Variants in SDK1 observed in about 807,000 individuals in gnomAD.
SDK1 encodes the protein protein sidekick-1.
A neutral mutation model predicts 245.5 loss-of-function variants in SDK1; 157 were observed. The observed-to-expected ratio is 0.64, with a 90% CI of 0.56 to 0.73. The LOEUF (loss-of-function observed/expected upper bound fraction) is 0.73, where lower values mean the gene tolerates loss of function less well. Among genes scored for constraint, SDK1 ranks in the 30% least tolerant of loss-of-function variants. The pLI is 0.00. For synonymous variants in SDK1, 1,647 were observed against 1,278.5 expected (o/e 1.29, Z -6.15); for missense variants, 3,583 against 3,002.3 (o/e 1.19, Z -4.52).
intron 28 of SDK1, among the ~76,000 whole-genome samples, chr7:4,134,191 G>A (rs1042858308): frequency 1.3e-5 from 2 of 152,158 alleles, no homozygotes; most frequent in South Asian, 2.1e-4. Flanking sequence ...ACCTATTTTC[G>A]CTTTGCCTCT....
intron 1 of SDK1, among the ~76,000 whole-genome samples, chr7:3,498,635 A>G (rs543687993): frequency 1.3e-5 from 2 of 151,998 alleles, no homozygotes; most frequent in South Asian, 2.1e-4. Flanking sequence ...TTTTCCTCCA[A>G]TATCACAGAC....
At chr7:3,600,889 G>A (rs571889619) in intron 1 of SDK1, among the ~76,000 whole-genome samples, 5 of 152,242 alleles carry the variant, frequency 3.3e-5, no homozygotes, top group East Asian at 1.9e-4. Context: ...AAGATTGACA[G>A]AACTCCTCTC....
At chr7:3,793,933 G>T (rs961588462) in intron 4 of SDK1, among the ~76,000 whole-genome samples, 29 of 152,196 alleles carry the variant, frequency 1.9e-4, no homozygotes, top group Middle Eastern at 3.4e-3. Flanking sequence ...CCCTGTTCTG[G>T]GGAATGTGAA....
intron 14 of SDK1, among the ~76,000 whole-genome samples, chr7:4,007,134 C>A (rs1785543732): frequency 6.6e-6 from 1 of 152,238 alleles, no homozygotes; most frequent in African/African-American, 2.4e-5. Context: ...AGTCCAGTAT[C>A]AGTCAAGCTT....
chr7:3,590,949 A>G (rs1196603607), intron 1 of SDK1, among the ~76,000 whole-genome samples: 1 of 151,988 alleles, frequency 6.6e-6, no homozygotes, highest in East Asian at 1.9e-4. Flanking sequence ...CACGTGGCTA[A>G]TTTTTGTATT....
At chr7:4,165,517 A>G (rs1385277378) in intron 32 of SDK1, among the ~76,000 whole-genome samples, 1 of 151,660 alleles carries the variant, frequency 6.6e-6, no homozygotes, top group Non-Finnish European at 1.5e-5. Context: ...AAGGAGTAGA[A>G]CTCCTTCTGT....
intron 5 of SDK1, among the ~76,000 whole-genome samples, chr7:3,917,384 G>T (rs1779421004): frequency 6.6e-6 from 1 of 152,174 alleles, no homozygotes; most frequent in African/African-American, 2.4e-5. Context: ...TTTCTCTCCA[G>T]GGTAGACGGG....
At chr7:3,602,902 C>G (rs1253984871) in intron 1 of SDK1, among the ~76,000 whole-genome samples, 1 of 152,008 alleles carries the variant, frequency 6.6e-6, no homozygotes, top group Non-Finnish European at 1.5e-5. Context: ...ATATGGCTAG[C>G]CAGTTTTCCC....
chr7:3,832,795 C>G (rs1184384792), intron 5 of SDK1, among the ~76,000 whole-genome samples: 1 of 152,022 alleles, frequency 6.6e-6, no homozygotes, highest in Admixed American at 6.6e-5. Context: ...GCCTGCACCC[C>G]TTTACCTTTT....
intron 4 of SDK1, among the ~76,000 whole-genome samples, chr7:3,803,255 A>G (rs1779150095): frequency 8.6e-5 from 13 of 151,568 alleles, no homozygotes; most frequent in Admixed American, 8.6e-4. Context: ...TCTTTGGTCA[A>G]ATGCTTCTTG....
chr7:3,759,092 G>A (rs1467085391), intron 4 of SDK1, among the ~76,000 whole-genome samples: 1 of 152,158 alleles, frequency 6.6e-6, no homozygotes, highest in East Asian at 1.9e-4. Context: ...TTGCTGACGT[G>A]TATCCTGCGA....
At chr7:3,687,135 A>C (rs1784309610) in intron 4 of SDK1, among the ~76,000 whole-genome samples, 2 of 149,542 alleles carry the variant, frequency 1.3e-5, no homozygotes, top group African/African-American at 5.1e-5. Context: ...TTCCAAGACA[A>C]ATGAAAAATT....
intron 4 of SDK1, among the ~76,000 whole-genome samples, chr7:3,786,302 A>G (rs1460396247): frequency 6.6e-6 from 1 of 152,200 alleles, no homozygotes; most frequent in Non-Finnish European, 1.5e-5. Flanking sequence ...CACTTGTTGC[A>G]GAGTTAAACA....
chr7:3,974,416 C>T lies in SDK1; in HGVS notation c.1865C>T (p.Ser622Phe). Reference protein sequence around the residue: ...DNVALTPSSTSRIVVEKDGSL... With the variant: ...DNVALTPSSTFRIVVEKDGSL... ...GTGGCCCTGACTCCATCGAGCACGT[C>T]TAGGATCGTGGTGGAGAAGGACGGG... The change falls in exon 13 of 45, where the codon TCT becomes TTT. Residue 622 changes from serine (S) to phenylalanine (F), a missense_variant. Physicochemically the swap from Ser to Phe is radical, Grantham distance 155. Transcript: ENST00000404826. The T allele has an allele frequency of 1.2e-6, 2 of 1,614,106 alleles. No individual in the cohort carries two copies. The highest frequency in any genetic ancestry group is 1.7e-6 in the Non-Finnish European group (2 of 1,180,020).
At chr7:3,953,384 T>C (rs991378413) in intron 7 of SDK1, among the ~76,000 whole-genome samples, 3 of 152,192 alleles carry the variant, frequency 2.0e-5, no homozygotes, top group African/African-American at 7.2e-5. Flanking sequence ...GAAGCCGGCT[T>C]TGAGTCACCA....
At chr7:3,415,965 G>A (rs1367373538) in intron 1 of SDK1, among the ~76,000 whole-genome samples, 1 of 152,086 alleles carries the variant, frequency 6.6e-6, no homozygotes, top group African/African-American at 2.4e-5. Context: ...TTCTGTTAGT[G>A]TTGTCATAAT....
intron 13 of SDK1, among the ~76,000 whole-genome samples, chr7:3,975,030 G>C (rs1410172746): frequency 6.6e-6 from 1 of 152,088 alleles, no homozygotes; most frequent in African/African-American, 2.4e-5. Flanking sequence ...GTTAAGTCTT[G>C]TGAAATCTTG....
chr7:3,403,869 A>ATTTT (rs1554266408), intron 1 of SDK1, among the ~76,000 whole-genome samples: 1,207 of 88,780 alleles, frequency 0.014, 48 homozygotes, highest in African/African-American at 0.043. Flanking sequence ...ATATATATAT[A>ATTTT]ATATATATAT....
chr7:3,872,361 G>C (rs1240259590), intron 5 of SDK1, among the ~76,000 whole-genome samples: 1 of 152,084 alleles, frequency 6.6e-6, no homozygotes, highest in African/African-American at 2.4e-5. Flanking sequence ...ATATCGTATA[G>C]AGTTGTTATG....
Sources: gnomAD v4.1 joint callset for allele counts (sites outside exome capture counted in the v4.1 genomes callset) on GRCh38, gnomAD v4.1.1 for gene constraint, MANE v1.5 for transcripts, NCBI Gene and HGNC (gene_info 2026-07-23, HGNC 2026-07-21) for gene names.